Variants in RBFOX1 observed in about 807,000 individuals in gnomAD.
RBFOX1 encodes the protein RNA binding fox-1 homolog 1, also known as RNA binding protein fox-1 homolog 1.
In RBFOX1, 8 loss-of-function variants were observed where a neutral mutation model predicts 57.7. The ratio of observed to expected loss-of-function variants is 0.14; its 90% CI spans 0.08 to 0.25. The LOEUF is 0.25. Ranked by LOEUF, RBFOX1 falls within the 10% of genes least tolerant of loss-of-function variation. The pLI, the probability that RBFOX1 is intolerant of heterozygous loss-of-function variation, is 1.00. For synonymous variants in RBFOX1, 326 were observed against 222.4 expected (o/e 1.47, Z -4.15); for missense variants, 611 against 548.5 (o/e 1.11, Z -1.14).
At chr16:6,240,227 C>G (rs1375954749) in intron 1 of RBFOX1, among the ~76,000 whole-genome samples, 1 of 152,166 alleles carries the variant, frequency 6.6e-6, no homozygotes, top group Non-Finnish European at 1.5e-5. Flanking sequence ...CTTGAGTTAA[C>G]TAAACATCTT....
At chr16:7,380,619 A>C (rs577954920) in intron 4 of RBFOX1, among the ~76,000 whole-genome samples, 2 of 152,240 alleles carry the variant, frequency 1.3e-5, no homozygotes, top group Admixed American at 1.3e-4. Context: ...TCTGCTTTCA[A>C]TTCAGACGCT....
At position 7,383,005 on chromosome 16, in the gene RBFOX1, T is replaced by C. The variant is rs367566784; in HGVS notation, c.28-135142T>C. On this transcript the variant is annotated intron_variant, in intron 4 of 15. Transcript: ENST00000550418. ...AATGAGCTGTTCATTAAACTTGACATATGGTAAGCAAGGCCAGAAAATGCC... is the reference window on the plus strand; with the variant it reads ...AATGAGCTGTTCATTAAACTTGACACATGGTAAGCAAGGCCAGAAAATGCC... Among the ~76,000 whole-genome samples the C allele has an allele frequency of 4.6e-5, 7 of 152,210 alleles. No homozygotes were observed. In the East Asian group the frequency reaches 1.4e-3, roughly 29 times the overall value.
chr16:6,967,216 C>G (rs13335053), intron 3 of RBFOX1, among the ~76,000 whole-genome samples: 1,871 of 152,214 alleles, frequency 0.012, 45 homozygotes, highest in African/African-American at 0.042. Context: ...ATCTCTCCAT[C>G]CATCATCCAT....
chr16:6,542,141 G>C (rs552404401), intron 2 of RBFOX1, among the ~76,000 whole-genome samples: 9 of 151,932 alleles, frequency 5.9e-5, no homozygotes, highest in Admixed American at 3.9e-4. Context: ...GCCCAGCCTC[G>C]TCTCAAACTC....
intron 4 of RBFOX1, among the ~76,000 whole-genome samples, chr16:7,300,718 A>T (rs1313922922): frequency 6.6e-6 from 1 of 152,252 alleles, no homozygotes; most frequent in African/African-American, 2.4e-5. Context: ...TCTTCTTTTA[A>T]ATTGCTGGCA....
chr16:7,127,256 G>T (rs192814412), intron 4 of RBFOX1, among the ~76,000 whole-genome samples: 7 of 152,128 alleles, frequency 4.6e-5, no homozygotes, highest in African/African-American at 1.7e-4. Flanking sequence ...TGTATCCATG[G>T]TGTTGTCAGC....
intron 1 of RBFOX1, among the ~76,000 whole-genome samples, chr16:6,020,678 C>T (rs944704268): frequency 1.4e-4 from 21 of 151,038 alleles, no homozygotes; most frequent in Non-Finnish European, 2.5e-4. Flanking sequence ...CAGATCTTAG[C>T]CCTGTGTTGT....
chr16:5,730,166 T>C (rs766882997), intron 3 of RBFOX1, among the ~76,000 whole-genome samples: 1 of 152,230 alleles, frequency 6.6e-6, no homozygotes, highest in Middle Eastern at 3.2e-3. Flanking sequence ...AAGATTATAA[T>C]GTTCATTGAA....
intron 2 of RBFOX1, among the ~76,000 whole-genome samples, chr16:5,588,889 A>T (rs1463981068): frequency 2.0e-5 from 3 of 152,136 alleles, no homozygotes; most frequent in Non-Finnish European, 4.4e-5. Flanking sequence ...TGAGAGGTAC[A>T]ATTGGGTGGT....
At chr16:6,840,111 C>T (rs911588843) in intron 3 of RBFOX1, among the ~76,000 whole-genome samples, 1 of 152,134 alleles carries the variant, frequency 6.6e-6, no homozygotes, top group African/African-American at 2.4e-5. Context: ...AATTGACTTG[C>T]TTGCTTCTTG....
chr16:7,032,199 C>T (rs571288199), intron 3 of RBFOX1, among the ~76,000 whole-genome samples: 4 of 152,028 alleles, frequency 2.6e-5, no homozygotes, highest in African/African-American at 4.8e-5. Flanking sequence ...CCAAGGCGGG[C>T]GGATCGCTTG....
chr16:5,732,571 A>G (rs150086503), intron 3 of RBFOX1, among the ~76,000 whole-genome samples: 192 of 152,334 alleles, frequency 1.3e-3, no homozygotes, highest in African/African-American at 4.4e-3. Flanking sequence ...TTAGAATTCT[A>G]GCTGTCTATG....
rs145862902 is a variant in RBFOX1 at position 6,700,662 on chromosome 16, A to T, written c.-16+46012A>T. On this transcript the variant is annotated intron_variant, in intron 3 of 15. Coordinates refer to ENST00000550418, the MANE Select transcript of RBFOX1 (RefSeq NM_018723.4). Reference sequence around the variant, plus strand: ...AACAAAAACGAAACTTCATCTCAAAAAATAATAATAATAATAATTTTTTAA... The same window carrying T: ...AACAAAAACGAAACTTCATCTCAAATAATAATAATAATAATAATTTTTTAA... Among the ~76,000 whole-genome samples the T allele has an allele frequency of 8.9e-3, 1,353 of 152,184 alleles. 23 individuals are homozygous for T. Among genetic ancestry groups the T allele is most frequent in the African/African-American group, 0.03 (1,257 of 41,520 alleles).
intron 1 of RBFOX1, among the ~76,000 whole-genome samples, chr16:5,461,788 A>C (rs536272029): frequency 5.3e-5 from 8 of 152,130 alleles, no homozygotes; most frequent in South Asian, 4.1e-4. Flanking sequence ...CTCACATTTC[A>C]TCTCAGTTTA....
intron 4 of RBFOX1, among the ~76,000 whole-genome samples, chr16:7,164,597 A>C (rs2079047964): frequency 6.6e-6 from 1 of 152,214 alleles, no homozygotes; most frequent in Non-Finnish European, 1.5e-5. Context: ...TGTCTAGAGA[A>C]AACCACTTTT....
intron 3 of RBFOX1, among the ~76,000 whole-genome samples, chr16:6,838,144 C>T (rs1375154058): frequency 6.6e-6 from 1 of 152,042 alleles, no homozygotes; most frequent in Admixed American, 6.6e-5. Context: ...GCCCCACATG[C>T]ATTAAGTATT....
intron 3 of RBFOX1, among the ~76,000 whole-genome samples, chr16:6,795,817 T>G (rs1382884069): frequency 6.6e-6 from 1 of 152,106 alleles, no homozygotes; most frequent in Non-Finnish European, 1.5e-5. Context: ...TTTCTTTTAT[T>G]TTCATGAGAA....
intron 14 of RBFOX1, among the ~76,000 whole-genome samples, chr16:7,706,908 T>A (rs1489771108): frequency 6.6e-6 from 1 of 152,054 alleles, no homozygotes; most frequent in Non-Finnish European, 1.5e-5. Flanking sequence ...TATTATTATT[T>A]TATCAAAAAC....
intron 4 of RBFOX1, among the ~76,000 whole-genome samples, chr16:7,305,550 A>AC (rs1459350329): frequency 6.6e-6 from 1 of 152,218 alleles, no homozygotes; most frequent in Non-Finnish European, 1.5e-5. Context: ...CAAGAGTACC[A>AC]TTTGTTAACA....
Sources: allele counts gnomAD v4.1 joint callset (sites outside exome capture counted in the v4.1 genomes callset), GRCh38; gene constraint gnomAD v4.1.1; transcripts MANE v1.5; gene names NCBI Gene and HGNC (gene_info 2026-07-23, HGNC 2026-07-21).